PALM2AKAP2: variants seen among roughly 807,000 people sequenced by gnomAD.
PALM2AKAP2 encodes the protein PALM2-AKAP2 fusion protein.
In PALM2AKAP2, 37 loss-of-function variants were observed where a neutral mutation model predicts 71.5. The ratio of observed to expected loss-of-function variants is 0.52; its 90% CI spans 0.40 to 0.68. PALM2AKAP2 has a LOEUF of 0.68. Among genes scored for constraint, PALM2AKAP2 ranks in the 30% least tolerant of loss-of-function variants. PALM2AKAP2 has a pLI of 0.00. For missense variants in PALM2AKAP2, 1,224 were observed against 1,191.8 expected (o/e 1.03, Z -0.40); for synonymous variants, 468 against 478.8 (o/e 0.98, Z 0.29).
intron 3 of PALM2AKAP2, among the ~76,000 whole-genome samples, chr9:109,898,687 TA>T (rs1308333056): frequency 6.6e-6 from 1 of 152,198 alleles, no homozygotes; most frequent in Non-Finnish European, 1.5e-5. Flanking sequence ...AGCCATTTGT[TA>T]AAAAACACTT....
intron 1 of PALM2AKAP2, among the ~76,000 whole-genome samples, chr9:109,703,331 T>C (rs969200783): frequency 6.6e-6 from 1 of 152,210 alleles, no homozygotes; most frequent in Non-Finnish European, 1.5e-5. Flanking sequence ...GTATTTCTGT[T>C]GTGACTAAAG....
intron 3 of PALM2AKAP2, among the ~76,000 whole-genome samples, chr9:109,903,446 C>G (rs149735843): frequency 6.6e-6 from 1 of 152,302 alleles, no homozygotes; most frequent in Non-Finnish European, 1.5e-5. Context: ...AGGCCCACTA[C>G]TTCTAGAAGG....
chr9:110,003,959 C>G (rs1210081679), intron 6 of PALM2AKAP2, among the ~76,000 whole-genome samples: 3 of 152,164 alleles, frequency 2.0e-5, no homozygotes, highest in African/African-American at 7.2e-5. Flanking sequence ...ATATAGCACA[C>G]TGATGGGTCT....
At chr9:109,981,608 A>G (rs117122134) in intron 6 of PALM2AKAP2, among the ~76,000 whole-genome samples, 3,209 of 152,318 alleles carry the variant, frequency 0.021, 58 homozygotes, top group Non-Finnish European at 0.03. Flanking sequence ...ATGGAACTGA[A>G]ACAGGGACAG....
At chr9:109,884,669 A>G (rs1203566979) in intron 3 of PALM2AKAP2, among the ~76,000 whole-genome samples, 1 of 152,200 alleles carries the variant, frequency 6.6e-6, no homozygotes, top group Non-Finnish European at 1.5e-5. Flanking sequence ...ACTCAAGGCA[A>G]AACATTAATC....
At chr9:110,035,587 A>G (rs1467094357) in intron 7 of PALM2AKAP2, among the ~76,000 whole-genome samples, 1 of 129,420 alleles carries the variant, frequency 7.7e-6, no homozygotes, top group Non-Finnish European at 1.6e-5. Context: ...GTTATATATA[A>G]CATATATAGG....
At chr9:109,696,063 A>G (rs1235966264) in intron 1 of PALM2AKAP2, among the ~76,000 whole-genome samples, 1 of 152,124 alleles carries the variant, frequency 6.6e-6, no homozygotes, top group Non-Finnish European at 1.5e-5. Context: ...GAAGTAGTAG[A>G]CTCCCAGTTA....
At chr9:109,866,843 AC>A (rs1829460818) in intron 1 of PALM2AKAP2, among the ~76,000 whole-genome samples, 1 of 152,128 alleles carries the variant, frequency 6.6e-6, no homozygotes, top group Non-Finnish European at 1.5e-5. Context: ...TGGGAGTTGG[AC>A]CCGGACAGAC....
At position 109,873,528 on chromosome 9, in the gene PALM2AKAP2, C is replaced by A. The variant is rs17202917; in HGVS notation, c.126+5957C>A. Among the ~76,000 whole-genome samples the A allele has an allele frequency of 2.8e-3, 429 of 151,968 alleles. 9 individuals are homozygous for A. The East Asian group carries it at 0.032, about 11-fold the overall frequency. ...TTAGCCATATTCCAACCATCATCCACTAGAATAGCCAATATCAGCTTCAGC... is the reference window on the plus strand; with the variant it reads ...TTAGCCATATTCCAACCATCATCCAATAGAATAGCCAATATCAGCTTCAGC... On this transcript the variant is annotated intron_variant, in intron 2 of 9. Transcript: ENST00000302798.
At chr9:109,772,579 T>A (rs1829285439) in intron 1 of PALM2AKAP2, among the ~76,000 whole-genome samples, 1 of 152,226 alleles carries the variant, frequency 6.6e-6, no homozygotes, top group Admixed American at 6.5e-5. Context: ...TTTCTGCGTG[T>A]ATTTAAGCTA....
At chr9:110,123,925 G>T (rs1230008295) in intron 1 of PALM2AKAP2, among the ~76,000 whole-genome samples, 1 of 152,146 alleles carries the variant, frequency 6.6e-6, no homozygotes, top group Non-Finnish European at 1.5e-5. Flanking sequence ...AGATGACTAA[G>T]TAGCATCTTG....
At chr9:109,959,639 C>T (rs546250094) in intron 6 of PALM2AKAP2, among the ~76,000 whole-genome samples, 6 of 127,266 alleles carry the variant, frequency 4.7e-5, no homozygotes, top group African/African-American at 1.8e-4. Context: ...AGCAAGACTC[C>T]GTCTCAAAAA....
chr9:109,865,145 C>G (rs1454087152), intron 1 of PALM2AKAP2, among the ~76,000 whole-genome samples: 1 of 133,916 alleles, frequency 7.5e-6, no homozygotes, highest in Non-Finnish European at 1.5e-5. Context: ...GTCGCCCAGG[C>G]TGGAGTGCAG....
At chr9:109,964,505 A>G (rs1831908578) in intron 6 of PALM2AKAP2, among the ~76,000 whole-genome samples, 1 of 152,256 alleles carries the variant, frequency 6.6e-6, no homozygotes, top group African/African-American at 2.4e-5. Flanking sequence ...TTTTCCTTCC[A>G]CAATGATCTT....
At chr9:109,825,192 C>A (rs1017776083) in intron 1 of PALM2AKAP2, among the ~76,000 whole-genome samples, 4 of 152,176 alleles carry the variant, frequency 2.6e-5, no homozygotes, top group African/African-American at 9.7e-5. Flanking sequence ...CCTCCTTACA[C>A]CTTATACAAA....
At chr9:109,870,977 T>C (rs1197807338) in intron 2 of PALM2AKAP2, among the ~76,000 whole-genome samples, 5 of 152,228 alleles carry the variant, frequency 3.3e-5, no homozygotes, top group Non-Finnish European at 7.4e-5. Context: ...GTTTATAAGA[T>C]ATAATTTTCA....
At chr9:110,109,789 C>G (rs1835204098) in intron 1 of PALM2AKAP2, among the ~76,000 whole-genome samples, 1 of 151,940 alleles carries the variant, frequency 6.6e-6, no homozygotes, top group African/African-American at 2.4e-5. Flanking sequence ...GGGTGCCAGG[C>G]CCCTTAATTC....
At chr9:109,964,071 A>T (rs1055421294) in intron 6 of PALM2AKAP2, among the ~76,000 whole-genome samples, 2 of 152,250 alleles carry the variant, frequency 1.3e-5, no homozygotes, top group African/African-American at 4.8e-5. Flanking sequence ...TATGAAGTAT[A>T]TTTGCCAACT....
rs143142715 is a variant in PALM2AKAP2 at position 109,988,880 on chromosome 9, C to T, written c.497-27074C>T. On this transcript the variant is annotated intron_variant, in intron 6 of 9. Coordinates refer to the PALM2AKAP2 transcript ENST00000302798. ...TAATTGAACCATGGGGGTGGTTTCC[C>T]CCACTGTTCTCGTGTTAGTGAATAA... 1.4e-3 allele frequency among the ~76,000 whole-genome samples: 210 copies of T among 152,224 alleles called. 3 individuals are homozygous for T. The highest frequency in any genetic ancestry group is 0.011 in the East Asian group (56 of 5,182).
Sources: gnomAD v4.1 joint callset for allele counts (sites outside exome capture counted in the v4.1 genomes callset) on GRCh38, gnomAD v4.1.1 for gene constraint, MANE v1.5 for transcripts, NCBI Gene and HGNC (gene_info 2026-07-23, HGNC 2026-07-21) for gene names.